The following PRDM16 variants were observed in gnomAD, a reference collection of about 807,000 sequenced individuals.
PRDM16 encodes histone-lysine N-methyltransferase PRDM16.
Under a neutral mutation model 110.6 loss-of-function variants are expected in PRDM16, and 23 were observed. That is an observed-to-expected ratio of 0.21 (90% confidence interval 0.15 to 0.29). PRDM16 has a LOEUF of 0.29. Among genes scored for constraint, PRDM16 ranks in the 10% least tolerant of loss-of-function variants. The pLI, the probability that PRDM16 is intolerant of heterozygous loss-of-function variation, is 1.00. For missense variants in PRDM16, 1,615 were observed against 1,794.3 expected (o/e 0.90, Z 1.81); for synonymous variants, 799 against 781.8 (o/e 1.02, Z -0.37).
chr1:3,355,792 C>T (rs1642584051), intron 3 of PRDM16, among the ~76,000 whole-genome samples: 1 of 152,214 alleles, frequency 6.6e-6, no homozygotes, highest in Non-Finnish European at 1.5e-5. Context: ...AGACAGTGCA[C>T]TGCCATGTGG....
chr1:3,251,487 G>T (rs1282170948), intron 3 of PRDM16, among the ~76,000 whole-genome samples: 6 of 152,160 alleles, frequency 3.9e-5, no homozygotes, highest in African/African-American at 1.4e-4. Context: ...TGGGAACCCA[G>T]CGACCAGGGT....
chr1:3,069,374 C>T lies in PRDM16; in HGVS notation c.37+78C>T, dbSNP rs1297168798. On this transcript the variant is annotated intron_variant, in intron 1 of 16. Coordinates refer to ENST00000270722, the MANE Select transcript of PRDM16 (RefSeq NM_022114.4). The surrounding 1 kb of genome is among the most constrained non-coding windows in gnomAD (Gnocchi z 6.1). The stretch of plus-strand genomic sequence containing the variant: ...CCGGGGCGCCCGGGCCAGGGGTGCG[C>T]GTCGGGGCGCGGCCGGCGCGCCTGC... The T allele has an allele frequency of 1.9e-6, 1 of 535,656 alleles. No homozygotes were observed. Among genetic ancestry groups the T allele is most frequent in the Non-Finnish European group, 2.4e-6 (1 of 424,144 alleles). The allele number at this position is 535,656 out of a possible 1,614,324, so 33.2% of individuals were successfully genotyped here. A position where few individuals can be genotyped will look rare whatever the true frequency, so the allele number is the denominator to read the frequency against.
At chr1:3,352,137 C>T (rs1171366424) in intron 3 of PRDM16, among the ~76,000 whole-genome samples, 2 of 152,190 alleles carry the variant, frequency 1.3e-5, no homozygotes, top group Non-Finnish European at 2.9e-5. Flanking sequence ...GTGCATGGTC[C>T]ACCTGCCTGG....
intron 3 of PRDM16, among the ~76,000 whole-genome samples, chr1:3,262,872 G>T (rs1175199519): frequency 2.6e-5 from 4 of 152,184 alleles, no homozygotes; most frequent in Non-Finnish European, 5.9e-5. Flanking sequence ...TGCGCGCATG[G>T]GGTCCCAGGG....
chr1:3,347,678 T>C (rs1284088978), intron 3 of PRDM16, among the ~76,000 whole-genome samples: 5 of 152,210 alleles, frequency 3.3e-5, no homozygotes, highest in African/African-American at 9.7e-5. Flanking sequence ...CTCAGACTTC[T>C]GGGGTAGCAA....
chr1:3,287,109 G>A (rs78341376), intron 3 of PRDM16, among the ~76,000 whole-genome samples: 10,656 of 152,260 alleles, frequency 0.07, 639 homozygotes, highest in East Asian at 0.3. Context: ...GGGTCAGCAG[G>A]AGGCCTGCCC....
At chr1:3,393,333 G>A (rs1643327694) in intron 4 of PRDM16, among the ~76,000 whole-genome samples, 3 of 152,214 alleles carry the variant, frequency 2.0e-5, no homozygotes, top group Non-Finnish European at 4.4e-5. Context: ...GGCCGCTGCT[G>A]GGGGCTAAAG....
rs1020869327 is a variant in PRDM16 at position 3,245,917 on chromosome 1, T to C, written c.438+1780T>C. Among the ~76,000 whole-genome samples, 2 of 152,162 alleles carry C rather than the reference T, an allele frequency of 1.3e-5. No individual in the cohort carries two copies. The highest frequency in any genetic ancestry group is 2.9e-5 in the Non-Finnish European group (2 of 68,028). The stretch of plus-strand genomic sequence containing the variant: ...ATGCGTCCCTGGACCGTCTGACATT[T>C]TCAAGACGCCCTCCTTGGCTGCGCC... On this transcript the variant is annotated intron_variant, in intron 3 of 16. Transcript: ENST00000270722. This position sits in a 1 kb window ranked among gnomAD's most constrained non-coding sequence, Gnocchi z 4.7.
intron 1 of PRDM16, among the ~76,000 whole-genome samples, chr1:3,173,349 G>A (rs1179061114): frequency 6.6e-6 from 1 of 152,216 alleles, no homozygotes; most frequent in African/African-American, 2.4e-5. Flanking sequence ...CGCCTGCCCG[G>A]GGCGATGGAG....
At chr1:3,181,358 A>G (rs1353779990) in intron 1 of PRDM16, among the ~76,000 whole-genome samples, 6 of 33,292 alleles carry the variant, frequency 1.8e-4, no homozygotes, top group East Asian at 1.5e-3. Context: ...GGTCTTACAC[A>G]CGGTCTTACA....
rs775285788 is a variant in PRDM16, at chr1:3,186,202, G to A, written c.115G>A (p.Glu39Lys). 145 of 1,612,748 alleles carry A rather than the reference G, an allele frequency of 9.0e-5. No homozygotes were observed. Among genetic ancestry groups the A allele is most frequent in the Admixed American group, 1.2e-4 (7 of 60,002 alleles). The change falls in exon 2 of 17, where the codon GAG (glutamate) becomes AAG (lysine). Residue 39 changes from glutamate (E) to lysine (K), a missense_variant. Physicochemically the swap from Glu to Lys is moderately conservative, Grantham distance 56. This residue lies in a region of PRDM16 where 416 missense variants were observed against 467.1 expected (regional missense o/e 0.89). Transcript: ENST00000270722. ...CAGCCACAGCGCGGAGGACGAGGCC[G>A]AGGACAGTGCCATGTCGCCCATCCC... ...LASHSAEDEA[E>K]DSAMSPIPVG...
At chr1:3,217,143 C>G (rs1233045061) in intron 2 of PRDM16, among the ~76,000 whole-genome samples, 1 of 152,284 alleles carries the variant, frequency 6.6e-6, no homozygotes, top group Non-Finnish European at 1.5e-5. Context: ...CCCGGGTGGC[C>G]TTCTCCTCAC....
chr1:3,321,762 T>C (rs1302892363), intron 3 of PRDM16, among the ~76,000 whole-genome samples: 1 of 149,824 alleles, frequency 6.7e-6, no homozygotes, highest in Non-Finnish European at 1.5e-5. Flanking sequence ...AATGTGTGTT[T>C]GTGTATGTGT....
intron 1 of PRDM16, among the ~76,000 whole-genome samples, chr1:3,096,501 G>A (rs1642403760): frequency 6.6e-6 from 1 of 152,198 alleles, no homozygotes; most frequent in Non-Finnish European, 1.5e-5. Context: ...TCCACACCTT[G>A]TGGCTGATGC....
chr1:3,380,628 T>C (rs1228050537), intron 3 of PRDM16, among the ~76,000 whole-genome samples: 1 of 151,846 alleles, frequency 6.6e-6, no homozygotes, highest in Non-Finnish European at 1.5e-5. Flanking sequence ...CCCATGTGGG[T>C]GAGAAACCAG....
At position 3,284,810 on chromosome 1, in the gene PRDM16, G is replaced by A. The variant is rs561442973; in HGVS notation, c.438+40673G>A. Among the ~76,000 whole-genome samples the A allele has an allele frequency of 6.6e-4, 101 of 152,332 alleles. 1 individual carries two copies. Among genetic ancestry groups the A allele is most frequent in the African/African-American group, 2.0e-3 (83 of 41,574 alleles). ...GGTGGCCAAGCCTGGGAAACCCAGC[G>A]TGGTCCCGCCCAGGCCAGGGCAGAG... On this transcript the variant is annotated intron_variant, in intron 3 of 16. Transcript: ENST00000270722.
intron 2 of PRDM16, among the ~76,000 whole-genome samples, chr1:3,218,094 T>C (rs1639073296): frequency 6.6e-6 from 1 of 152,204 alleles, no homozygotes; most frequent in Non-Finnish European, 1.5e-5. Flanking sequence ...CAAAACACTA[T>C]TGTCGTGGCC....
At chr1:3,323,117 G>A (rs1295430082) in intron 3 of PRDM16, among the ~76,000 whole-genome samples, 1 of 152,192 alleles carries the variant, frequency 6.6e-6, no homozygotes. Flanking sequence ...ACTTGGTGCG[G>A]GAAGCCATAC....
rs111922473 is a variant in PRDM16, at chr1:3,426,064, C to T, written c.3123C>T (p.Pro1041=). The T allele has an allele frequency of 3.2e-5, 52 of 1,613,296 alleles. No individual in the cohort carries two copies. The highest frequency in any genetic ancestry group is 3.9e-5 in the Non-Finnish European group (46 of 1,179,818). ...EHENAPVSQH[P]GVLTNHLGTS... is the part of the protein sequence containing the mutation. ...GCCCCTCCGCAGTGAGCCAGCACCC[C>T]GGGGTCCTCACGAACCACCTGGGGA... Residue 1041 remains proline (P), a synonymous_variant, in exon 14 of 17, where the codon CCC becomes CCT. Transcript: ENST00000270722.
Sources: allele counts gnomAD v4.1 joint callset (sites outside exome capture counted in the v4.1 genomes callset), GRCh38; gene constraint gnomAD v4.1.1; regional missense constraint gnomAD v4.1.1; non-coding constraint Gnocchi (gnomAD v3.1); transcripts MANE v1.5; gene names NCBI Gene and HGNC (gene_info 2026-07-23, HGNC 2026-07-21).